The following FCHSD2 variants were observed in gnomAD, a reference collection of about 807,000 sequenced individuals.
FCHSD2 encodes F-BAR and double SH3 domains protein 2.
In FCHSD2, 38 loss-of-function variants were observed where a neutral mutation model predicts 108.1. The observed-to-expected ratio is 0.35, with a 90% CI of 0.27 to 0.46. The LOEUF (loss-of-function observed/expected upper bound fraction) is 0.46. Ranked by LOEUF, FCHSD2 falls within the 20% of genes least tolerant of loss-of-function variation. FCHSD2 has a pLI of 1.00. For missense variants in FCHSD2, 751 were observed against 897.8 expected, an observed-to-expected ratio of 0.84 and a Z score of 2.09; for synonymous variants, 279 against 314.7, an observed-to-expected ratio of 0.89 and a Z score of 1.20.
rs777341564 is a variant in FCHSD2 at position 72,843,219 on chromosome 11, C to T, written c.1637G>A (p.Arg546Gln). 161 of 1,613,832 alleles carry T rather than the reference C, an allele frequency of 1.0e-4. No homozygotes were observed. The highest frequency in any genetic ancestry group is 1.3e-4 in the Non-Finnish European group (157 of 1,179,892). The part of the protein sequence containing the change: ...MLQSLAALDS[R>Q]SHTSSNSTEA... ...CGTGGAATTGCTGGACGTGTGTGAC[C>T]GACTGTCCAAAGCGGCCAGGGACTG... Residue 546 changes from arginine (R) to glutamine (Q), a missense_variant, in exon 16 of 20, where the codon CGG (arginine) becomes CAG (glutamine). Arg to Gln is a conservative substitution (Grantham distance 43). Transcript: ENST00000409418.
chr11:73,060,837 A>G (rs893332837), intron 3 of FCHSD2, among the ~76,000 whole-genome samples: 29 of 152,066 alleles, frequency 1.9e-4, no homozygotes, highest in Non-Finnish European at 3.5e-4. Context: ...AAAGGAAACT[A>G]AAAGGGCTCA....
chr11:73,020,306 G>A (rs1858070933), intron 3 of FCHSD2, among the ~76,000 whole-genome samples: 1 of 152,094 alleles, frequency 6.6e-6, no homozygotes, highest in Non-Finnish European at 1.5e-5. Context: ...TGAGTAGAAG[G>A]GTGCTCTATG....
chr11:73,074,966 A>C (rs1242549855), intron 3 of FCHSD2, among the ~76,000 whole-genome samples: 1 of 152,192 alleles, frequency 6.6e-6, no homozygotes. Context: ...GAAAGACCAT[A>C]AATCAATAAG....
chr11:72,880,868 G>GAA (rs147665190), intron 12 of FCHSD2, among the ~76,000 whole-genome samples: 42 of 134,250 alleles, frequency 3.1e-4, no homozygotes, highest in Middle Eastern at 3.7e-3. Context: ...ACCCTGTCTC[G>GAA]AAAAAAAAAA....
At chr11:73,045,832 T>C (rs1162963143) in intron 3 of FCHSD2, among the ~76,000 whole-genome samples, 1 of 151,838 alleles carries the variant, frequency 6.6e-6, no homozygotes, top group Non-Finnish European at 1.5e-5. Flanking sequence ...GATGAGTTAG[T>C]GGGTGCAGCC....
At chr11:73,077,759 G>A (rs890790643) in intron 3 of FCHSD2, 8 of 296,396 alleles carry the variant, frequency 2.7e-5, no homozygotes, top group African/African-American at 9.0e-5. Flanking sequence ...AGCCAGCTGG[G>A]AGAGAGGGAT....
chr11:72,969,950 G>C (rs1332146352), intron 8 of FCHSD2, among the ~76,000 whole-genome samples: 1 of 152,178 alleles, frequency 6.6e-6, no homozygotes, highest in Non-Finnish European at 1.5e-5. Flanking sequence ...TCTGTGGCCA[G>C]GGACTATTTT....
At chr11:72,956,516 A>C (rs1394872713) in intron 8 of FCHSD2, among the ~76,000 whole-genome samples, 2 of 152,204 alleles carry the variant, frequency 1.3e-5, no homozygotes, top group African/African-American at 4.8e-5. Flanking sequence ...ACTTTGACTT[A>C]TAATCAACAG....
chr11:72,880,657 T>C (rs1321459600), intron 12 of FCHSD2, among the ~76,000 whole-genome samples: 3 of 152,002 alleles, frequency 2.0e-5, no homozygotes, highest in Non-Finnish European at 4.4e-5. Context: ...GGCTCACACC[T>C]GTAATCTTAG....
intron 3 of FCHSD2, among the ~76,000 whole-genome samples, chr11:73,042,667 T>C (rs1858669827): frequency 6.6e-6 from 1 of 152,232 alleles, no homozygotes; most frequent in African/African-American, 2.4e-5. Context: ...ATGTTAACAA[T>C]GTTCATTCTT....
At chr11:73,015,369 G>A (rs930370876) in intron 4 of FCHSD2, among the ~76,000 whole-genome samples, 1 of 152,086 alleles carries the variant, frequency 6.6e-6, no homozygotes, top group Non-Finnish European at 1.5e-5. Context: ...ACATTAGAAA[G>A]TTTCCCCCCT....
intron 4 of FCHSD2, among the ~76,000 whole-genome samples, chr11:73,003,682 T>C (rs1488960458): frequency 6.6e-6 from 1 of 151,290 alleles, no homozygotes; most frequent in African/African-American, 2.4e-5. Flanking sequence ...GAGACGGGGT[T>C]TCACCGTTTT....
chr11:72,904,029 C>G (rs1438237051), intron 9 of FCHSD2, among the ~76,000 whole-genome samples: 1 of 151,992 alleles, frequency 6.6e-6, no homozygotes, highest in Non-Finnish European at 1.5e-5. Flanking sequence ...GGGAACTGGG[C>G]GAACCAAACA....
chr11:73,035,632 C>G (rs1199990861), intron 3 of FCHSD2, among the ~76,000 whole-genome samples: 1 of 152,040 alleles, frequency 6.6e-6, no homozygotes, highest in Non-Finnish European at 1.5e-5. Flanking sequence ...TAAGTACTTA[C>G]TGAGAATTTT....
At chr11:72,839,783 G>C (rs928034027) in intron 19 of FCHSD2, among the ~76,000 whole-genome samples, 1 of 152,140 alleles carries the variant, frequency 6.6e-6, no homozygotes, top group African/African-American at 2.4e-5. Flanking sequence ...AGAAGAGATC[G>C]GATTGGCAGT....
At chr11:73,067,953 A>G (rs1565394561) in intron 3 of FCHSD2, among the ~76,000 whole-genome samples, 4 of 152,170 alleles carry the variant, frequency 2.6e-5, no homozygotes, top group Admixed American at 6.5e-5. Flanking sequence ...CAATCATGGC[A>G]GAAGGCTAAA....
chr11:72,944,158 C>T (rs963366899), intron 8 of FCHSD2, among the ~76,000 whole-genome samples: 3 of 152,120 alleles, frequency 2.0e-5, no homozygotes, highest in Non-Finnish European at 2.9e-5. Flanking sequence ...CAATAAAATA[C>T]TGGCAAACTG....
intron 3 of FCHSD2, among the ~76,000 whole-genome samples, chr11:73,025,992 T>G (rs931052691): frequency 6.7e-6 from 1 of 149,406 alleles, no homozygotes; most frequent in Non-Finnish European, 1.5e-5. Flanking sequence ...GAGATTCATT[T>G]TATGTATGTA....
chr11:72,838,895 T>C, intron 19 of FCHSD2, 21 bp from the exon 20 acceptor site: 1 of 1,592,798 alleles, frequency 6.3e-7, no homozygotes, highest in Non-Finnish European at 8.6e-7. Context: ...AACAATTACG[T>C]AGTTTGTCAG....
Sources: gnomAD v4.1 joint callset for allele counts (sites outside exome capture counted in the v4.1 genomes callset) on GRCh38, gnomAD v4.1.1 for gene constraint, MANE v1.5 for transcripts, NCBI Gene and HGNC (gene_info 2026-07-23, HGNC 2026-07-21) for gene names.